The following EHBP1 variants were observed in gnomAD, a reference collection of about 807,000 sequenced individuals.
EHBP1 encodes EH domain binding protein 1.
A neutral mutation model predicts 144.0 loss-of-function variants in EHBP1; 55 were observed. The observed-to-expected ratio is 0.38, with a 90% CI of 0.31 to 0.48. The LOEUF is 0.48. Among genes scored for constraint, EHBP1 ranks in the 20% least tolerant of loss-of-function variants. EHBP1 has a pLI of 0.98. For synonymous variants in EHBP1, 469 were observed against 472.7 expected (o/e 0.99, Z 0.10); for missense variants, 1,200 against 1,364.2 (o/e 0.88, Z 1.90).
At chr2:62,755,840 T>C (rs1486393437) in intron 3 of EHBP1, among the ~76,000 whole-genome samples, 1 of 152,196 alleles carries the variant, frequency 6.6e-6, no homozygotes, top group Non-Finnish European at 1.5e-5. Flanking sequence ...TAAATGTTTT[T>C]AGTTATCAAC....
intron 5 of EHBP1, among the ~76,000 whole-genome samples, chr2:62,818,236 G>C (rs1244669980): frequency 1.6e-5 from 2 of 126,262 alleles, no homozygotes; most frequent in African/African-American, 2.9e-5. Flanking sequence ...CTCACTCACT[G>C]ACTTAACCAG....
intron 10 of EHBP1, among the ~76,000 whole-genome samples, chr2:62,887,540 C>T (rs2052035226): frequency 6.7e-6 from 1 of 149,852 alleles, no homozygotes; most frequent in Non-Finnish European, 1.5e-5. Flanking sequence ...GAGTTCAAGA[C>T]CAGCCTGGGC....
chr2:62,993,782 ATAT>A, intron 17 of EHBP1, 86 bp from the exon 18 acceptor site: 1 of 1,027,084 alleles, frequency 9.7e-7, no homozygotes, highest in Non-Finnish European at 1.4e-6. Flanking sequence ...GTATATATGT[ATAT>A]AATCTGGTAA....
At chr2:63,027,829 A>G (rs2061047814) in intron 19 of EHBP1, among the ~76,000 whole-genome samples, 1 of 152,236 alleles carries the variant, frequency 6.6e-6, no homozygotes. Flanking sequence ...GGGTAAGGTC[A>G]GGGAAGATGT....
At chr2:62,712,105 G>A (rs1196869648) in intron 2 of EHBP1, among the ~76,000 whole-genome samples, 1 of 152,130 alleles carries the variant, frequency 6.6e-6, no homozygotes. Context: ...ATGATGTGGT[G>A]GGAGAGGAGG....
rs77945966 is a variant in EHBP1, at chr2:62,854,201, A to T, written c.635-4968A>T. Among the ~76,000 whole-genome samples, 286 of 152,254 alleles carry T rather than the reference A, an allele frequency of 1.9e-3. 2 individuals carry two copies. The Middle Eastern group carries it at 0.027, about 14-fold the overall frequency. The stretch of plus-strand genomic sequence containing the variant: ...AGTTAGGGCCTTGCTCTGGGTTAGG[A>T]TTTGGCTTAAGGGAATGCTATGGTT... On this transcript the variant is annotated intron_variant, in intron 7 of 22. Transcript: ENST00000431489.
Position 62,718,307 on chromosome 2 carries a change from A to G in EHBP1, c.104+11012A>G, listed in dbSNP as rs930935762. On this transcript the variant is annotated intron_variant, in intron 2 of 22. Transcript: ENST00000431489. ...CTGTCTAGTACAGAGGGAACTAACT[A>G]TATGTGCTATTTACATCTAAATTTA... 4.6e-5 allele frequency among the ~76,000 whole-genome samples: 7 copies of G among 152,382 alleles called. No individual in the cohort carries two copies. The East Asian group carries it at 1.3e-3, about 29-fold the overall frequency.
At chr2:63,000,911 G>T (rs928930177) in intron 19 of EHBP1, among the ~76,000 whole-genome samples, 1 of 151,980 alleles carries the variant, frequency 6.6e-6, no homozygotes, top group Admixed American at 6.6e-5. Context: ...TTTCTTATTT[G>T]GGAAGAGCAA....
intron 1 of EHBP1, among the ~76,000 whole-genome samples, chr2:62,681,047 T>G (rs1483474150): frequency 6.6e-6 from 1 of 151,844 alleles, no homozygotes; most frequent in Non-Finnish European, 1.5e-5. Context: ...GCGTGATGGC[T>G]CATGCCTGTA....
At chr2:62,937,727 G>A (rs1337072258) in intron 10 of EHBP1, among the ~76,000 whole-genome samples, 1 of 152,180 alleles carries the variant, frequency 6.6e-6, no homozygotes, top group African/African-American at 2.4e-5. Flanking sequence ...AAGACTGGGT[G>A]GAGGTGGGAG....
intron 5 of EHBP1, among the ~76,000 whole-genome samples, chr2:62,776,293 C>G (rs2152390913): frequency 6.6e-6 from 1 of 152,240 alleles, no homozygotes; most frequent in East Asian, 1.9e-4. Context: ...GTGGTTCTGC[C>G]ACTTACTGGC....
chr2:62,767,201 G>T (rs1211333337), intron 4 of EHBP1, among the ~76,000 whole-genome samples: 1 of 151,976 alleles, frequency 6.6e-6, no homozygotes, highest in African/African-American at 2.4e-5. Context: ...GATACATACA[G>T]GTATAAAAAT....
At chr2:62,764,188 G>T (rs1159112279) in intron 3 of EHBP1, 78 bp from the exon 4 acceptor site, 3 of 999,616 alleles carry the variant, frequency 3.0e-6, no homozygotes, top group Non-Finnish European at 4.3e-6. Context: ...CATATTGAAG[G>T]TATCATTTTA....
chr2:62,793,530 T>G (rs937226918), intron 5 of EHBP1, among the ~76,000 whole-genome samples: 2 of 152,116 alleles, frequency 1.3e-5, no homozygotes, highest in African/African-American at 4.8e-5. Flanking sequence ...AGTGCATATA[T>G]GTCAACAAGT....
chr2:63,017,603 T>A (rs925087580), intron 19 of EHBP1, among the ~76,000 whole-genome samples: 1 of 152,180 alleles, frequency 6.6e-6, no homozygotes, highest in Non-Finnish European at 1.5e-5. Context: ...TTAGCTATTA[T>A]TATTTATATA....
chr2:62,900,785 C>A lies in EHBP1; in HGVS notation c.1185+26253C>A, dbSNP rs189544559. Among the ~76,000 whole-genome samples, 137 of 151,620 alleles carry A rather than the reference C, an allele frequency of 9.0e-4. 1 individual carries two copies. Among genetic ancestry groups the A allele is most frequent in the African/African-American group, 3.2e-3 (131 of 41,230 alleles). On this transcript the variant is annotated intron_variant, in intron 10 of 22. Transcript: ENST00000431489. ...TAAAATATATTGGTGACATTGATGG[C>A]AAATGATGTTATCAGTTTGTTTATA... is the stretch of plus-strand genomic sequence containing the variant.
At chr2:62,988,842 A>G (rs1490969410) in intron 15 of EHBP1, among the ~76,000 whole-genome samples, 1 of 152,148 alleles carries the variant, frequency 6.6e-6, no homozygotes, top group African/African-American at 2.4e-5. Context: ...CTTTTCCTGT[A>G]AAAAGCTAAA....
intron 5 of EHBP1, among the ~76,000 whole-genome samples, chr2:62,809,292 G>GAA (rs985494969): frequency 0.029 from 1,323 of 46,316 alleles, 88 homozygotes; most frequent in African/African-American, 0.087. Flanking sequence ...CTATGTCTCA[G>GAA]AAAAAAAAAA....
intron 2 of EHBP1, among the ~76,000 whole-genome samples, chr2:62,732,140 C>G (rs898523323): frequency 6.6e-6 from 1 of 152,058 alleles, no homozygotes; most frequent in Non-Finnish European, 1.5e-5. Flanking sequence ...GTTTTTTCCT[C>G]TGGCTTCTTT....
Sources: allele counts gnomAD v4.1 joint callset (sites outside exome capture counted in the v4.1 genomes callset), GRCh38; gene constraint gnomAD v4.1.1; transcripts MANE v1.5; gene names NCBI Gene and HGNC (gene_info 2026-07-23, HGNC 2026-07-21).